Variants in C12orf42 observed in about 807,000 individuals in gnomAD.
C12orf42 encodes chromosome 12 open reading frame 42, also known as uncharacterized protein C12orf42.
In C12orf42, 25 loss-of-function variants were observed where a neutral mutation model predicts 21.6. That is an observed-to-expected ratio of 1.16 (90% CI 0.84 to 1.62). C12orf42 has a LOEUF of 1.62. Ranked by LOEUF, C12orf42 falls within the 40% of genes most tolerant of loss-of-function variation. The pLI is 0.00. For missense variants in C12orf42, 483 were observed against 459.3 expected (o/e 1.05, Z -0.47); for synonymous variants, 174 against 175.0 (o/e 0.99, Z 0.05).
chr12:103,443,478 C>T (rs1951389939), intron 2 of C12orf42, among the ~76,000 whole-genome samples: 1 of 152,106 alleles, frequency 6.6e-6, no homozygotes, highest in Non-Finnish European at 1.5e-5. Context: ...AGGACTCTCA[C>T]TCCAAACTCC....
At chr12:103,422,369 T>G (rs2049984924) in intron 2 of C12orf42, among the ~76,000 whole-genome samples, 1 of 152,158 alleles carries the variant, frequency 6.6e-6, no homozygotes, top group Non-Finnish European at 1.5e-5. Context: ...AAAAGCAATA[T>G]CCCAATTCAT....
intron 2 of C12orf42, among the ~76,000 whole-genome samples, chr12:103,432,850 T>G (rs1950368124): frequency 6.6e-6 from 1 of 151,882 alleles, no homozygotes; most frequent in Non-Finnish European, 1.5e-5. Flanking sequence ...TCAGAAGGAA[T>G]CAAACCTGCC....
downstream of C12orf42, chr12:103,268,196 CT>C (rs1332022152): frequency 6.6e-6 from 1 of 151,874 alleles, no homozygotes; most frequent in Non-Finnish European, 1.5e-5. Flanking sequence ...CTTTATCCCC[CT>C]ACACGCAATT....
At chr12:103,082,070 A>G in the C12orf42 span, among the ~76,000 whole-genome samples, 2 of 152,230 alleles carry the variant, frequency 1.3e-5, no homozygotes, top group African/African-American at 4.8e-5. Flanking sequence ...AAGATGGGGA[A>G]TTAGTGTGTA....
chr12:103,163,618 G>A, the C12orf42 span, among the ~76,000 whole-genome samples: 1 of 152,118 alleles, frequency 6.6e-6, no homozygotes, highest in Non-Finnish European at 1.5e-5. Flanking sequence ...CAAAAGCAGA[G>A]AGGACCTTCT....
chr12:103,295,540 A>C (rs1403019921), intron 4 of C12orf42, among the ~76,000 whole-genome samples: 1 of 152,152 alleles, frequency 6.6e-6, no homozygotes, highest in African/African-American at 2.4e-5. Context: ...CCTCATTGGT[A>C]AATGGGATAA....
At chr12:103,329,106 G>A (rs2040977628) in intron 4 of C12orf42, among the ~76,000 whole-genome samples, 1 of 151,076 alleles carries the variant, frequency 6.6e-6, no homozygotes, top group Non-Finnish European at 1.5e-5. Context: ...TGCATTCAGA[G>A]CTATGGCAGG....
the C12orf42 span, among the ~76,000 whole-genome samples, chr12:103,182,862 C>A: frequency 6.6e-6 from 1 of 152,212 alleles, no homozygotes; most frequent in Non-Finnish European, 1.5e-5. Flanking sequence ...ATACAATCCA[C>A]TGATCTTATT....
At chr12:103,131,952 T>C in the C12orf42 span, among the ~76,000 whole-genome samples, 1 of 152,214 alleles carries the variant, frequency 6.6e-6, no homozygotes, top group East Asian at 1.9e-4. Flanking sequence ...TGGTGGATAA[T>C]ACTGTTTTTG....
At chr12:103,291,202 T>C (rs1021438839) in intron 4 of C12orf42, among the ~76,000 whole-genome samples, 1 of 152,160 alleles carries the variant, frequency 6.6e-6, no homozygotes, top group African/African-American at 2.4e-5. Context: ...TATGGCAAAT[T>C]CTGGTCAGCC....
At chr12:103,371,806 G>A (rs1416374021) in intron 3 of C12orf42, among the ~76,000 whole-genome samples, 1 of 152,088 alleles carries the variant, frequency 6.6e-6, no homozygotes, top group South Asian at 2.1e-4. Flanking sequence ...ATACAAGCTA[G>A]GGCAACTTAC....
At chr12:103,449,084 TAGA>T (rs1414687862) in intron 2 of C12orf42, among the ~76,000 whole-genome samples, 6 of 107,922 alleles carry the variant, frequency 5.6e-5, no homozygotes, top group African/African-American at 2.2e-4. Flanking sequence ...GAAAATATGA[TAGA>T]TAGATAGATA....
intron 4 of C12orf42, among the ~76,000 whole-genome samples, chr12:103,323,603 C>T (rs990058572): frequency 1.3e-5 from 2 of 152,194 alleles, no homozygotes; most frequent in African/African-American, 4.8e-5. Context: ...GCAGAGTTTA[C>T]AAACTTAAAG....
At chr12:103,212,238 G>A in the C12orf42 span, among the ~76,000 whole-genome samples, 1 of 151,808 alleles carries the variant, frequency 6.6e-6, no homozygotes, top group African/African-American at 2.4e-5. Context: ...CAAATACCTG[G>A]TCAATGTTGA....
At chr12:103,410,063 G>A (rs1426417925) in intron 2 of C12orf42, among the ~76,000 whole-genome samples, 2 of 152,096 alleles carry the variant, frequency 1.3e-5, no homozygotes, top group Non-Finnish European at 2.9e-5. Context: ...AGAATCTGGG[G>A]CCCAGAATAC....
At chr12:103,460,646 C>T (rs1251075236) in intron 2 of C12orf42, among the ~76,000 whole-genome samples, 2 of 152,036 alleles carry the variant, frequency 1.3e-5, no homozygotes, top group Admixed American at 6.6e-5. Context: ...CTTGAGGGCT[C>T]AGCTTTGGGC....
chr12:103,302,866 AAGAG>A (rs1444507900), intron 5 of C12orf42, among the ~76,000 whole-genome samples: 1 of 152,178 alleles, frequency 6.6e-6, no homozygotes, highest in African/African-American at 2.4e-5. Context: ...AAAACTCCTA[AAGAG>A]AGAGACATAG....
chr12:103,518,066 C>T, the C12orf42 span, among the ~76,000 whole-genome samples: 2 of 152,088 alleles, frequency 1.3e-5, no homozygotes, highest in Non-Finnish European at 2.9e-5. Flanking sequence ...GAAATTAAAA[C>T]TCGTTTATCA....
chr12:103,476,870 C>T (rs1160248921), intron 2 of C12orf42: 1 of 152,032 alleles, frequency 6.6e-6, no homozygotes, highest in Non-Finnish European at 1.5e-5. Flanking sequence ...GTATTACTTA[C>T]TGATGTCAGT....
Sources: allele counts gnomAD v4.1 joint callset (sites outside exome capture counted in the v4.1 genomes callset), GRCh38; gene constraint gnomAD v4.1.1; transcripts MANE v1.5; gene names NCBI Gene and HGNC (gene_info 2026-07-23, HGNC 2026-07-21).